Variants in KIF3A observed in about 807,000 individuals in gnomAD.
KIF3A encodes kinesin family member 3A.
Under a neutral mutation model 92.6 loss-of-function variants are expected in KIF3A, and 27 were observed. That is an observed-to-expected ratio of 0.29 (90% CI 0.21 to 0.40). The LOEUF is 0.40. KIF3A is among the 10% of genes least tolerant of loss of function. The pLI, the probability that KIF3A is intolerant of heterozygous loss-of-function variation, is 1.00. For synonymous variants in KIF3A, 250 were observed against 275.4 expected (o/e 0.91, Z 0.92); for missense variants, 581 against 872.6 (o/e 0.67, Z 4.21).
intron 2 of KIF3A, among the ~76,000 whole-genome samples, chr5:132,727,624 A>T (rs967891251): frequency 1.3e-5 from 2 of 152,246 alleles, no homozygotes; most frequent in Admixed American, 1.3e-4. Context: ...ATAATCACAC[A>T]GTATAATAAG....
intron 17 of KIF3A, among the ~76,000 whole-genome samples, 168 bp downstream of exon 17, chr5:132,700,045 GTCC>G (rs1301313974): frequency 6.6e-6 from 1 of 152,100 alleles, no homozygotes; most frequent in Non-Finnish European, 1.5e-5. Context: ...AAGCAGAACT[GTCC>G]TCCTCATCAC....
rs967897092 is a variant in KIF3A, at chr5:132,698,814, T to C, written c.2132+357A>G. Among the ~76,000 whole-genome samples the C allele has an allele frequency of 2.0e-5, 3 of 146,834 alleles. No individual in the cohort carries two copies. The Admixed American group carries it at 2.1e-4, about 10-fold the overall frequency. On this transcript the variant is annotated intron_variant, in intron 18 of 18. Transcript: ENST00000403231. Reference sequence around the variant, plus strand: ...GCATGATCTCATGATCTCGGCTAACTGCAACCTCCGGCTCCTGGGTTCAAG... The same window carrying C: ...GCATGATCTCATGATCTCGGCTAACCGCAACCTCCGGCTCCTGGGTTCAAG...
At chr5:132,719,352 C>T (rs534930445) in intron 5 of KIF3A, among the ~76,000 whole-genome samples, 1 of 152,156 alleles carries the variant, frequency 6.6e-6, no homozygotes, top group East Asian at 1.9e-4. Context: ...AAGATTTGGT[C>T]TTTTTCTATT....
At position 132,702,785 on chromosome 5, in the gene KIF3A, T is replaced by C; in HGVS notation, c.1647+100A>G. ...TGATCTTCAAAGCAATCCATAAATA[T>C]GCTTTAAAATTTCAATACGATTATA... On this transcript the variant is annotated intron_variant, in intron 13 of 18. Transcript: ENST00000403231. 3.0e-6 allele frequency: 4 copies of C among 1,338,614 alleles called. No individual in the cohort carries two copies. In the South Asian group the frequency reaches 3.8e-5, roughly 13 times the overall value. The allele number at this position is 1,338,614 out of a possible 1,614,324, so 82.9% of individuals were successfully genotyped here. A position where few individuals can be genotyped will look rare whatever the true frequency, so the allele number is the denominator to read the frequency against.
chr5:132,730,540 G>A (rs1482974301), intron 2 of KIF3A, among the ~76,000 whole-genome samples: 1 of 152,008 alleles, frequency 6.6e-6, no homozygotes. Flanking sequence ...TAATCCCAGT[G>A]CTTTGCAAGG....
chr5:132,700,527 A>C (rs946948533), intron 16 of KIF3A, 120 bp downstream of exon 16: 4 of 715,378 alleles, frequency 5.6e-6, no homozygotes, highest in African/African-American at 5.3e-5. Context: ...TATCTGCCCT[A>C]CTGGATTCTC....
chr5:132,718,772 G>A (rs572350662), intron 5 of KIF3A, among the ~76,000 whole-genome samples: 4 of 152,262 alleles, frequency 2.6e-5, no homozygotes, highest in East Asian at 1.9e-4. Flanking sequence ...GATTATAGGC[G>A]TAAGCCACCA....
chr5:132,696,591 G>T lies in KIF3A; in HGVS notation c.*43C>A. 4.9e-6 allele frequency: 6 copies of T among 1,233,702 alleles called. No individual in the cohort carries two copies. Among genetic ancestry groups the T allele is most frequent in the Non-Finnish European group, 7.1e-6 (6 of 840,786 alleles). The allele number at this position is 1,233,702 out of a possible 1,614,324, so 76.4% of individuals were successfully genotyped here. Reference sequence around the variant, plus strand: ...TTAATTAAAGATTTTGTCCAGGCATGAGAATATCACTAATTTTTATTGTGA... The same window carrying T: ...TTAATTAAAGATTTTGTCCAGGCATTAGAATATCACTAATTTTTATTGTGA... On this transcript the variant is annotated 3_prime_UTR_variant, in exon 19 of 19. Transcript: ENST00000403231.
chr5:132,699,772 C>G (rs1413216358), intron 17 of KIF3A, among the ~76,000 whole-genome samples: 1 of 151,996 alleles, frequency 6.6e-6, no homozygotes, highest in Non-Finnish European at 1.5e-5. Flanking sequence ...CTGTGTTAGC[C>G]AGGATGGTCT....
At chr5:132,701,648 G>T (rs897629419) in intron 15 of KIF3A, among the ~76,000 whole-genome samples, 3 of 152,082 alleles carry the variant, frequency 2.0e-5, no homozygotes, top group Admixed American at 2.0e-4. Context: ...TGATGGTACA[G>T]GTTGCACAAC....
At chr5:132,726,265 T>C in intron 3 of KIF3A, 53 bp from the exon 4 acceptor site, 2 of 1,576,722 alleles carry the variant, frequency 1.3e-6, no homozygotes, top group Non-Finnish European at 1.7e-6. Context: ...ATAAGAACGG[T>C]TTTAAAATAT....
At chr5:132,723,529 G>A (rs1373289983) in intron 4 of KIF3A, 1 of 152,144 alleles carries the variant, frequency 6.6e-6, no homozygotes, top group Non-Finnish European at 1.5e-5. Flanking sequence ...TGACAAACCT[G>A]ACAAAAACAA....
intron 16 of KIF3A, 80 bp downstream of exon 16, chr5:132,700,567 C>A: frequency 1.1e-6 from 1 of 951,472 alleles, no homozygotes. Context: ...CCATGTTCCT[C>A]CCCACTGTAG....
chr5:132,690,790 G>A (rs1752644073), downstream of KIF3A, among the ~76,000 whole-genome samples: 2 of 152,094 alleles, frequency 1.3e-5, no homozygotes, highest in African/African-American at 4.8e-5. Flanking sequence ...AGCCGGGCGT[G>A]GTGGCACATG....
chr5:132,699,557 CTTCTTT>C (rs1752956933), intron 17 of KIF3A: 2 of 493,128 alleles, frequency 4.1e-6, no homozygotes, highest in Non-Finnish European at 3.9e-6. Context: ...CCCTCTTCTT[CTTCTTT>C]TTTTTTTTTT....
At chr5:132,709,258 G>T (rs777562254) in intron 9 of KIF3A, among the ~76,000 whole-genome samples, 1 of 152,110 alleles carries the variant, frequency 6.6e-6, no homozygotes, top group Non-Finnish European at 1.5e-5. Context: ...ATCATTCAAA[G>T]GGTTGAAATG....
chr5:132,719,508 C>CTTTTTTTTTTTTTTTTT (rs902935654), intron 5 of KIF3A, among the ~76,000 whole-genome samples: 1 of 146,300 alleles, frequency 6.8e-6, no homozygotes. Context: ...CTCTTTTTTT[C>CTTTTTTTTTTTTTTTTT]TTTTTTTTTT....
At position 132,696,777 on chromosome 5, in the gene KIF3A, A is replaced by G. The variant is rs1561687204; in HGVS notation, c.2133-95T>C. The G allele has an allele frequency of 3.1e-6, 3 of 952,610 alleles. No individual in the cohort carries two copies. The East Asian group carries it at 7.3e-5, about 23-fold the overall frequency. The allele number at this position is 952,610 out of a possible 1,614,324, so 59.0% of individuals were successfully genotyped here. ...ATATAGAAACTATGGGGTGGCCTGT[A>G]TAGTCTGGAAACAAGCCAAAATTTG... On this transcript the variant is annotated intron_variant, in intron 18 of 18. Transcript: ENST00000403231.
chr5:132,719,355 T>C (rs1753748704), intron 5 of KIF3A, among the ~76,000 whole-genome samples: 2 of 152,336 alleles, frequency 1.3e-5, no homozygotes, highest in African/African-American at 2.4e-5. Context: ...ATTTGGTCTT[T>C]TTCTATTAAT....
Sources: gnomAD v4.1 joint callset for allele counts (sites outside exome capture counted in the v4.1 genomes callset) on GRCh38, gnomAD v4.1.1 for gene constraint, MANE v1.5 for transcripts, NCBI Gene and HGNC (gene_info 2026-07-23, HGNC 2026-07-21) for gene names.